The following PAG1 variants were observed in gnomAD, a reference collection of about 807,000 sequenced individuals.
PAG1 encodes phosphoprotein membrane anchor with glycosphingolipid microdomains 1.
PAG1 carries 23 observed loss-of-function variants against 31.7 expected under a neutral mutation model. The ratio of observed to expected loss-of-function variants is 0.73; its 90% CI spans 0.52 to 1.03. The LOEUF is 1.03. PAG1 is among the 50% of genes least tolerant of loss of function. The pLI is 0.00. For missense variants in PAG1, 473 were observed against 540.7 expected (o/e 0.87, Z 1.24); for synonymous variants, 214 against 210.3 (o/e 1.02, Z -0.15).
intron 3 of PAG1, among the ~76,000 whole-genome samples, chr8:81,029,452 C>T (rs962764477): frequency 3.9e-5 from 6 of 152,042 alleles, no homozygotes; most frequent in South Asian, 2.1e-4. Flanking sequence ...AAGCATTCCT[C>T]ACAAACCAAT....
intron 2 of PAG1, among the ~76,000 whole-genome samples, chr8:81,047,799 C>T (rs1808665480): frequency 6.6e-6 from 1 of 152,168 alleles, no homozygotes; most frequent in South Asian, 2.1e-4. Context: ...AGGCTCTTTG[C>T]TATCGAAATC....
intron 2 of PAG1, among the ~76,000 whole-genome samples, chr8:81,046,983 T>C (rs1193858300): frequency 1.3e-5 from 2 of 152,166 alleles, no homozygotes; most frequent in African/African-American, 2.4e-5. Context: ...CTGAGGGTAA[T>C]GGTTTCCTGC....
intron 3 of PAG1, among the ~76,000 whole-genome samples, chr8:81,007,660 A>AG (rs1807910077): frequency 1.3e-5 from 2 of 148,522 alleles, no homozygotes; most frequent in Non-Finnish European, 3.0e-5. Flanking sequence ...AAAAAAAAAA[A>AG]GAACTTAAAA....
rs1167809137 is a variant in PAG1 at position 80,993,321 on chromosome 8, A to G, written c.-80-14T>C. The G allele has an allele frequency of 1.5e-6, 2 of 1,296,694 alleles. No individual in the cohort carries two copies. Among genetic ancestry groups the G allele is most frequent in the East Asian group, 2.4e-5 (1 of 41,110 alleles). The allele number at this position is 1,296,694 out of a possible 1,614,324, so 80.3% of individuals were successfully genotyped here. A position where few individuals can be genotyped will look rare whatever the true frequency, so the allele number is the denominator to read the frequency against. On this transcript the variant is annotated splice_polypyrimidine_tract_variant and intron_variant, in intron 3 of 8. Transcript: ENST00000220597. ...GAGAGCTGTGTCCTGCAAAGAGACC[A>G]GTGCGTTTGGAGAGTAATTCTCGGG...
rs73692377 is a variant in PAG1 at position 81,106,435 on chromosome 8, A to G, written c.-234+5156T>C. 7.2e-3 allele frequency among the ~76,000 whole-genome samples: 1,097 copies of G among 152,006 alleles called. 17 individuals are homozygous for G. The highest frequency in any genetic ancestry group is 0.025 in the African/African-American group (1,031 of 41,440). On this transcript the variant is annotated intron_variant, in intron 1 of 8. Coordinates refer to ENST00000220597, the MANE Select transcript of PAG1 (RefSeq NM_018440.4). ...GTTCACAGGATTTCAGGAGCTCTGC[A>G]TTTTTAGCAAATGCCCCCAGTCAGG...
At chr8:80,992,177 G>A (rs974938233) in intron 4 of PAG1, among the ~76,000 whole-genome samples, 2 of 152,286 alleles carry the variant, frequency 1.3e-5, no homozygotes, top group East Asian at 1.9e-4. Flanking sequence ...GGGAAGCCCC[G>A]GCCCTGCGGC....
intron 1 of PAG1, among the ~76,000 whole-genome samples, chr8:81,077,228 G>A (rs1809193464): frequency 6.6e-6 from 1 of 152,188 alleles, no homozygotes; most frequent in Non-Finnish European, 1.5e-5. Context: ...AGTCTAAGAG[G>A]CACCAACTAG....
Position 81,112,061 on chromosome 8 carries a change from C to T in PAG1, c.-704G>A, listed in dbSNP as rs1038256615. The T allele has an allele frequency of 5.9e-5, 9 of 152,068 alleles. No homozygotes were observed. Among genetic ancestry groups the T allele is most frequent in the Non-Finnish European group, 1.2e-4 (8 of 68,008 alleles). 9.4% of individuals were successfully genotyped at this position (152,068 alleles called of 1,614,324 possible). On this transcript the variant is annotated 5_prime_UTR_variant, in exon 1 of 9. Coordinates refer to ENST00000220597, the MANE Select transcript of PAG1 (RefSeq NM_018440.4). The stretch of plus-strand genomic sequence containing the variant: ...GCAGCCAGCACTCGCCGCCGCGCCG[C>T]GGAGAATGACAGGCGCCGAGGCGGA...
At chr8:81,109,576 G>T (rs1400179072) in intron 1 of PAG1, among the ~76,000 whole-genome samples, 2 of 152,188 alleles carry the variant, frequency 1.3e-5, no homozygotes, top group East Asian at 1.9e-4. Context: ...CACATGAACT[G>T]CTTCTGTTAA....
chr8:81,100,404 C>G (rs918820710), intron 1 of PAG1, among the ~76,000 whole-genome samples: 1 of 152,218 alleles, frequency 6.6e-6, no homozygotes, highest in African/African-American at 2.4e-5. Context: ...CAGGGTTTCT[C>G]AAGCTTAGCA....
chr8:81,106,266 G>A (rs778627287), intron 1 of PAG1, among the ~76,000 whole-genome samples: 2 of 152,014 alleles, frequency 1.3e-5, no homozygotes, highest in Non-Finnish European at 2.9e-5. Context: ...GGCTGGTCTC[G>A]AACCCCTGAC....
At chr8:81,053,438 T>G (rs191596929) in intron 2 of PAG1, among the ~76,000 whole-genome samples, 2 of 152,330 alleles carry the variant, frequency 1.3e-5, no homozygotes, top group East Asian at 3.9e-4. Context: ...TTCCATGGCT[T>G]ACTTGACAGA....
chr8:81,101,217 G>A (rs1422626684), intron 1 of PAG1, among the ~76,000 whole-genome samples: 1 of 152,112 alleles, frequency 6.6e-6, no homozygotes, highest in Non-Finnish European at 1.5e-5. Context: ...TATCCATATT[G>A]TATCCTTTTA....
chr8:81,021,271 T>C (rs1325084992), intron 3 of PAG1, among the ~76,000 whole-genome samples: 2 of 152,204 alleles, frequency 1.3e-5, no homozygotes, highest in Non-Finnish European at 2.9e-5. Context: ...TGAAGTCAAC[T>C]ATGGTTTTTA....
chr8:81,093,853 A>G (rs1327843324), intron 1 of PAG1, among the ~76,000 whole-genome samples: 2 of 152,220 alleles, frequency 1.3e-5, no homozygotes. Flanking sequence ...CACTGTGACA[A>G]TCATGGTGTG....
chr8:81,062,443 T>C (rs1039040817), intron 2 of PAG1, among the ~76,000 whole-genome samples: 3 of 152,236 alleles, frequency 2.0e-5, no homozygotes, highest in Admixed American at 6.5e-5. Flanking sequence ...CTTTGGGCTA[T>C]GGGGCATCAG....
At chr8:81,013,587 C>T (rs1177384556) in intron 3 of PAG1, among the ~76,000 whole-genome samples, 1 of 152,122 alleles carries the variant, frequency 6.6e-6, no homozygotes, top group Non-Finnish European at 1.5e-5. Flanking sequence ...TTCCCCTTGC[C>T]CTTTGTTTTT....
intron 3 of PAG1, among the ~76,000 whole-genome samples, chr8:81,000,612 T>C (rs934068865): frequency 1.3e-5 from 2 of 152,136 alleles, no homozygotes; most frequent in East Asian, 1.9e-4. Flanking sequence ...GGTAATTTTT[T>C]TGTAATTTTA....
At chr8:81,078,049 T>C (rs1453932200) in intron 1 of PAG1, among the ~76,000 whole-genome samples, 1 of 152,220 alleles carries the variant, frequency 6.6e-6, no homozygotes, top group Non-Finnish European at 1.5e-5. Context: ...GTTATAAATG[T>C]ACACAGCAAA....
Sources: allele counts gnomAD v4.1 joint callset (sites outside exome capture counted in the v4.1 genomes callset), GRCh38; gene constraint gnomAD v4.1.1; transcripts MANE v1.5; gene names NCBI Gene and HGNC (gene_info 2026-07-23, HGNC 2026-07-21).